Variants in CTNNA3 observed in about 807,000 individuals in gnomAD.
CTNNA3 encodes the protein catenin alpha-3.
Under a neutral mutation model 95.7 loss-of-function variants are expected in CTNNA3, and 76 were observed. The observed-to-expected ratio is 0.79, with a 90% CI of 0.66 to 0.96. The LOEUF (loss-of-function observed/expected upper bound fraction) is 0.96, where lower values mean the gene tolerates loss of function less well. CTNNA3 is among the 40% of genes least tolerant of loss of function. CTNNA3 has a pLI of 0.00. For missense variants in CTNNA3, 1,191 were observed against 1,089.8 expected, an observed-to-expected ratio of 1.09 and a Z score of -1.31; for synonymous variants, 431 against 374.4, an observed-to-expected ratio of 1.15 and a Z score of -1.74.
At chr10:67,537,078 T>G (rs1026045407) in intron 4 of CTNNA3, among the ~76,000 whole-genome samples, 1 of 152,192 alleles carries the variant, frequency 6.6e-6, no homozygotes, top group African/African-American at 2.4e-5. Flanking sequence ...ATTGTTTTAC[T>G]ACACATACTT....
intron 15 of CTNNA3, among the ~76,000 whole-genome samples, chr10:66,004,539 C>T (rs1244545809): frequency 6.6e-6 from 1 of 152,130 alleles, no homozygotes; most frequent in Non-Finnish European, 1.5e-5. Flanking sequence ...TTCCCTAGAA[C>T]CAACAAAAGT....
At chr10:67,720,215 C>T (rs1841172094) in intron 1 of CTNNA3, among the ~76,000 whole-genome samples, 1 of 142,562 alleles carries the variant, frequency 7.0e-6, no homozygotes, top group Admixed American at 7.3e-5. Flanking sequence ...TGTGTCTTTG[C>T]ACGTGAAATG....
At chr10:66,753,494 C>A (rs752674373) in intron 9 of CTNNA3, among the ~76,000 whole-genome samples, 9 of 151,956 alleles carry the variant, frequency 5.9e-5, no homozygotes, top group African/African-American at 9.7e-5. Context: ...GAAACCCTGT[C>A]TCTACGAAAA....
chr10:66,773,875 A>G (rs546846096), intron 8 of CTNNA3, among the ~76,000 whole-genome samples: 1 of 152,356 alleles, frequency 6.6e-6, no homozygotes, highest in South Asian at 2.1e-4. Flanking sequence ...GGATTGCAAT[A>G]TAAAATACAA....
intron 3 of CTNNA3, among the ~76,000 whole-genome samples, chr10:67,604,268 G>A (rs1005312151): frequency 1.2e-4 from 18 of 152,136 alleles, no homozygotes; most frequent in Non-Finnish European, 2.2e-4. Flanking sequence ...AAAGCAACAC[G>A]GAACATTCAA....
At chr10:66,160,919 T>C (rs557358511) in intron 13 of CTNNA3, among the ~76,000 whole-genome samples, 5 of 152,318 alleles carry the variant, frequency 3.3e-5, no homozygotes, top group African/African-American at 1.2e-4. Context: ...CAAGGCCTTT[T>C]ACCATTATAT....
At chr10:66,614,148 A>C (rs138782557) in intron 10 of CTNNA3, among the ~76,000 whole-genome samples, 2 of 152,248 alleles carry the variant, frequency 1.3e-5, no homozygotes, top group Non-Finnish European at 2.9e-5. Context: ...GTCTATGCAG[A>C]GAGAGATAAT....
intron 11 of CTNNA3, among the ~76,000 whole-genome samples, chr10:66,458,816 C>T (rs1482906834): frequency 6.6e-6 from 1 of 152,044 alleles, no homozygotes. Flanking sequence ...TTTGTTTAAC[C>T]ATTCATCCCG....
intron 9 of CTNNA3, among the ~76,000 whole-genome samples, chr10:66,668,422 ATG>A (rs3055580): frequency 0.2 from 29,248 of 146,864 alleles, 2,947 homozygotes; most frequent in African/African-American, 0.21. Flanking sequence ...CAACTCTCAT[ATG>A]TGTGTGTGTG....
chr10:66,865,566 A>G (rs866734767), intron 7 of CTNNA3, among the ~76,000 whole-genome samples: 3 of 152,102 alleles, frequency 2.0e-5, no homozygotes, highest in Admixed American at 6.6e-5. Flanking sequence ...ATTATACTTA[A>G]TTATGCTCTT....
intron 1 of CTNNA3, among the ~76,000 whole-genome samples, chr10:67,749,829 AG>A (rs1290250179): frequency 6.6e-6 from 1 of 152,216 alleles, no homozygotes; most frequent in Non-Finnish European, 1.5e-5. Flanking sequence ...GAACTGAAGG[AG>A]ACAGAGACAT....
At chr10:66,468,910 TA>T (rs1839027470) in intron 11 of CTNNA3, among the ~76,000 whole-genome samples, 4 of 152,022 alleles carry the variant, frequency 2.6e-5, no homozygotes, top group African/African-American at 9.6e-5. Flanking sequence ...AATCTTCCCA[TA>T]TTTTTTGATA....
At chr10:67,255,915 A>T (rs1386610163) in intron 5 of CTNNA3, among the ~76,000 whole-genome samples, 1 of 152,170 alleles carries the variant, frequency 6.6e-6, no homozygotes, top group African/African-American at 2.4e-5. Context: ...CTTGCAATAC[A>T]CCATGAGATT....
At chr10:66,096,426 T>C (rs932597404) in intron 14 of CTNNA3, among the ~76,000 whole-genome samples, 1 of 152,162 alleles carries the variant, frequency 6.6e-6, no homozygotes, top group Non-Finnish European at 1.5e-5. Context: ...CCAATAAATA[T>C]CAGAATGAGA....
At chr10:66,607,754 T>A (rs941547982) in intron 10 of CTNNA3, among the ~76,000 whole-genome samples, 1 of 152,138 alleles carries the variant, frequency 6.6e-6, no homozygotes, top group African/African-American at 2.4e-5. Context: ...GTATCACTTT[T>A]ATGTCAAACA....
At chr10:67,026,354 AACATTTTGTAAATAT>A (rs1462220619) in intron 7 of CTNNA3, among the ~76,000 whole-genome samples, 5 of 152,096 alleles carry the variant, frequency 3.3e-5, no homozygotes, top group East Asian at 1.9e-4. Flanking sequence ...ATATTTTTGG[AACATTTTGTAAATAT>A]ACATTTTGTA....
At chr10:67,235,809 C>A (rs189264164) in intron 5 of CTNNA3, among the ~76,000 whole-genome samples, 4,096 of 129,958 alleles carry the variant, frequency 0.032, 184 homozygotes, top group African/African-American at 0.099. Context: ...AACTCAAACA[C>A]ATTTACAAGA....
intron 7 of CTNNA3, among the ~76,000 whole-genome samples, chr10:67,074,821 T>C (rs1411897784): frequency 2.0e-5 from 3 of 152,110 alleles, no homozygotes; most frequent in Non-Finnish European, 4.4e-5. Context: ...AATTTATTTA[T>C]GTATGTATGT....
At chr10:66,785,380 A>G (rs1840701413) in intron 7 of CTNNA3, among the ~76,000 whole-genome samples, 1 of 152,232 alleles carries the variant, frequency 6.6e-6, no homozygotes, top group Non-Finnish European at 1.5e-5. Context: ...GACCCAGTAA[A>G]GAACAAAATG....
Sources: allele counts gnomAD v4.1 joint callset (sites outside exome capture counted in the v4.1 genomes callset), GRCh38; gene constraint gnomAD v4.1.1; transcripts MANE v1.5; gene names NCBI Gene and HGNC (gene_info 2026-07-23, HGNC 2026-07-21).